Variants in ADGRV1 observed in about 807,000 individuals in gnomAD.
ADGRV1 encodes G-protein coupled receptor 98.
In ADGRV1, 359 loss-of-function variants were observed where a neutral mutation model predicts 596.2. The ratio of observed to expected loss-of-function variants is 0.60; its 90% CI spans 0.55 to 0.66. The LOEUF is 0.66. ADGRV1 is among the 30% of genes least tolerant of loss of function. The probability of loss-of-function intolerance (pLI) is 0.00; values close to 1 mark genes in which losing one functional copy is unlikely to be tolerated. For missense variants in ADGRV1, 7,274 were observed against 7,575.6 expected (o/e 0.96, Z 1.48); for synonymous variants, 2,681 against 2,679.2 (o/e 1.00, Z -0.02).
chr5:91,122,462 T>A (rs1793408683), intron 87 of ADGRV1, among the ~76,000 whole-genome samples: 1 of 152,230 alleles, frequency 6.6e-6, no homozygotes, highest in African/African-American at 2.4e-5. Flanking sequence ...AAAGTCCTAT[T>A]TGTTCAAGTT....
intron 85 of ADGRV1, among the ~76,000 whole-genome samples, chr5:91,027,382 T>G (rs1051398420): frequency 1.3e-5 from 2 of 152,180 alleles, no homozygotes; most frequent in African/African-American, 4.8e-5. Context: ...AGTGGTGATT[T>G]CTGTTCATTT....
At chr5:91,149,966 T>C in intron 87 of ADGRV1, 64 bp from the exon 88 acceptor site, 1 of 1,372,736 alleles carries the variant, frequency 7.3e-7, no homozygotes, top group Non-Finnish European at 9.8e-7. Flanking sequence ...GTAGCAGGAC[T>C]GACTTTGACA....
intron 87 of ADGRV1, among the ~76,000 whole-genome samples, chr5:91,114,923 C>T (rs868542256): frequency 2.0e-5 from 3 of 152,116 alleles, no homozygotes; most frequent in African/African-American, 4.8e-5. Context: ...TGTTGTTTGT[C>T]TCCCCAACCC....
chr5:90,652,672 A>G, intron 19 of ADGRV1, 109 bp downstream of exon 19: 1 of 654,984 alleles, frequency 1.5e-6, no homozygotes, highest in South Asian at 2.4e-5. Flanking sequence ...TTGGTGAAGT[A>G]TTTGTGTCAT....
intron 83 of ADGRV1, among the ~76,000 whole-genome samples, chr5:90,917,040 T>A (rs142765243): frequency 4.6e-5 from 7 of 152,334 alleles, no homozygotes; most frequent in Non-Finnish European, 7.3e-5. Context: ...GCAGTATCAT[T>A]TGATTTCTCT....
At chr5:90,885,660 G>A (rs1770210981) in intron 83 of ADGRV1, among the ~76,000 whole-genome samples, 1 of 152,170 alleles carries the variant, frequency 6.6e-6, no homozygotes, top group South Asian at 2.1e-4. Context: ...ACAAGGTGAG[G>A]ACTGAAAGGT....
chr5:91,148,014 G>A (rs535892612), intron 87 of ADGRV1, among the ~76,000 whole-genome samples: 1 of 152,206 alleles, frequency 6.6e-6, no homozygotes, highest in East Asian at 1.9e-4. Flanking sequence ...CAAAAAGACT[G>A]GTGTCATTTT....
chr5:90,946,132 A>G (rs1440450610), intron 83 of ADGRV1, among the ~76,000 whole-genome samples: 1 of 152,180 alleles, frequency 6.6e-6, no homozygotes, highest in Non-Finnish European at 1.5e-5. Flanking sequence ...TAGAAGGAGA[A>G]TATCCCAGGC....
At chr5:90,851,238 TAAAG>T (rs1409759436) in intron 79 of ADGRV1, among the ~76,000 whole-genome samples, 2 of 149,738 alleles carry the variant, frequency 1.3e-5, no homozygotes, top group Non-Finnish European at 3.0e-5. Context: ...ATAGGGCAAA[TAAAG>T]AAATAGGAAA....
chr5:90,681,758 C>A (rs1744960131), intron 27 of ADGRV1, among the ~76,000 whole-genome samples: 1 of 152,150 alleles, frequency 6.6e-6, no homozygotes, highest in East Asian at 1.9e-4. Context: ...GCTGTGGTAA[C>A]AAACATCTCT....
rs570022323 is a variant in ADGRV1, at chr5:90,688,398, C to T, written c.6491-1463C>T. 2.6e-4 allele frequency among the ~76,000 whole-genome samples: 39 copies of T among 152,270 alleles called. No individual in the cohort carries two copies. In the Middle Eastern group the frequency reaches 0.014, roughly 53 times the overall value. ...TTTGAGATGGAGTCTTGCTCTGTCA[C>T]CCAGGGTGGAGTGCAGTGGTGTGAT... On this transcript the variant is annotated intron_variant, in intron 29 of 89. Coordinates refer to ENST00000405460, the MANE Select transcript of ADGRV1 (RefSeq NM_032119.4).
chr5:90,583,305 A>G lies in ADGRV1; in HGVS notation c.22+24388A>G, dbSNP rs547839490. On this transcript the variant is annotated intron_variant, in intron 1 of 89. Transcript: ENST00000405460. ...CATTTTTCATTTCTCAGTAATATTC[A>G]TGAGTGATATATATTAGGAATTGGT... Among the ~76,000 whole-genome samples, 10 of 152,210 alleles carry G rather than the reference A, an allele frequency of 6.6e-5. No homozygotes were observed. The East Asian group carries it at 1.9e-3, about 29-fold the overall frequency.
rs762413593 is a variant in ADGRV1, at chr5:90,653,591, T to C, written c.4017T>C (p.Thr1339=). The change falls in exon 20 of 90, where the codon ACT becomes ACC. Residue 1339 remains threonine (T), a synonymous_variant. Transcript: ENST00000405460. ...YFTGLEGAFG[T]VNPKYHPSRN... is the part of the protein sequence containing the mutation. ...CCGGACTAGAGGGTGCATTTGGGAC[T>C]GTTAATCCAAAATACCATCCCTCCA... The C allele has an allele frequency of 3.2e-5, 51 of 1,613,904 alleles. No homozygotes were observed. The highest frequency in any genetic ancestry group is 4.3e-5 in the Non-Finnish European group (51 of 1,179,868).
In ADGRV1 at chr5:90,840,834, C is replaced by CAG; in HGVS notation, c.16870_16871dup (p.Asp5624GlufsTer17). Reference sequence around the variant, plus strand: ...GCCAACATCACTCTTGTCTCAGATGCAGATTCGCAGGCCATTTGGGGGCTT... The same window carrying CAG: ...GCCAACATCACTCTTGTCTCAGATGCAGAGATTCGCAGGCCATTTGGGGGCTT... On this transcript the variant is annotated frameshift_variant, in exon 78 of 90. Coordinates refer to ENST00000405460, the MANE Select transcript of ADGRV1 (RefSeq NM_032119.4). LOFTEE classifies it high-confidence loss of function. The CAG allele has an allele frequency of 6.2e-7, 1 of 1,613,526 alleles. No individual in the cohort carries two copies.
intron 83 of ADGRV1, among the ~76,000 whole-genome samples, chr5:90,877,187 AAG>A (rs1769295634): frequency 6.6e-6 from 1 of 152,242 alleles, no homozygotes; most frequent in Non-Finnish European, 1.5e-5. Flanking sequence ...GACATTAGTA[AAG>A]GCAGAGGAAT....
rs1766800898 is a variant in ADGRV1, at chr5:90,854,141, C to T, written c.17534C>T (p.Ala5845Val). The part of the protein sequence containing the change: ...DNEVLYRIYA[A>V]EPRIIPQTSL... ...GAGGTTCTCTACAGGATTTATGCTGCTGAGCCTAGAATTATTCCTCAGACA... is the reference window on the plus strand; with the variant it reads ...GAGGTTCTCTACAGGATTTATGCTGTTGAGCCTAGAATTATTCCTCAGACA... The change falls in exon 81 of 90, where the codon GCT becomes GTT. Residue 5845 changes from alanine (A) to valine (V), a missense_variant. Ala to Val is a moderately conservative substitution (Grantham distance 64). Around this residue, in one of 5 missense-constraint regions of ADGRV1, gnomAD observed 1,874 missense variants for 1,970.2 expected, o/e 0.95. Coordinates refer to ENST00000405460, the MANE Select transcript of ADGRV1 (RefSeq NM_032119.4). The T allele has an allele frequency of 1.9e-6, 3 of 1,567,584 alleles. No homozygotes were observed. Among genetic ancestry groups the T allele is most frequent in the Non-Finnish European group, 2.6e-6 (3 of 1,153,816 alleles).
intron 73 of ADGRV1, among the ~76,000 whole-genome samples, chr5:90,809,713 A>G (rs1762263096): frequency 6.6e-6 from 1 of 152,236 alleles, no homozygotes; most frequent in Admixed American, 6.5e-5. Flanking sequence ...TAGGAAAAAA[A>G]CTAAGAATAA....
At chr5:90,931,665 A>G (rs1024284481) in intron 83 of ADGRV1, among the ~76,000 whole-genome samples, 1 of 152,252 alleles carries the variant, frequency 6.6e-6, no homozygotes, top group African/African-American at 2.4e-5. Context: ...ATAATTCAAC[A>G]AACATTTTAT....
intron 85 of ADGRV1, among the ~76,000 whole-genome samples, chr5:91,064,161 T>C (rs923520876): frequency 6.6e-6 from 1 of 152,186 alleles, no homozygotes; most frequent in African/African-American, 2.4e-5. Flanking sequence ...TCAATAAGCA[T>C]TTCTTAAGGA....
Sources: gnomAD v4.1 joint callset for allele counts (sites outside exome capture counted in the v4.1 genomes callset) on GRCh38, gnomAD v4.1.1 for gene constraint, gnomAD v4.1.1 regional missense constraint, MANE v1.5 for transcripts, NCBI Gene and HGNC (gene_info 2026-07-23, HGNC 2026-07-21) for gene names.